PATJ: variants seen among roughly 807,000 people sequenced by gnomAD.
PATJ encodes the protein inaD-like protein.
Under a neutral mutation model 224.9 loss-of-function variants are expected in PATJ, and 190 were observed. The ratio of observed to expected loss-of-function variants is 0.84; its 90% confidence interval spans 0.75 to 0.95. The LOEUF (loss-of-function observed/expected upper bound fraction) is 0.95, where lower values mean the gene tolerates loss of function less well. Among genes scored for constraint, PATJ ranks in the 40% least tolerant of loss-of-function variants. The probability of loss-of-function intolerance (pLI) is 0.00; values close to 1 mark genes in which losing one functional copy is unlikely to be tolerated. For missense variants in PATJ, 2,121 were observed against 2,270.3 expected, an observed-to-expected ratio of 0.93 and a Z score of 1.34; for synonymous variants, 769 against 820.3, an observed-to-expected ratio of 0.94 and a Z score of 1.07.
intron 16 of PATJ, among the ~76,000 whole-genome samples, chr1:61,831,411 A>C (rs1659299556): frequency 6.6e-6 from 1 of 152,174 alleles, no homozygotes; most frequent in African/African-American, 2.4e-5. Context: ...ACAGACTGAG[A>C]GAAAATATTT....
chr1:62,015,797 A>G (rs1646740599), intron 28 of PATJ, among the ~76,000 whole-genome samples: 1 of 152,114 alleles, frequency 6.6e-6, no homozygotes, highest in Non-Finnish European at 1.5e-5. Flanking sequence ...GCTCCCAAGT[A>G]GCTGGGACGA....
intron 17 of PATJ, among the ~76,000 whole-genome samples, chr1:61,841,567 G>A (rs1044176639): frequency 6.7e-6 from 1 of 149,750 alleles, no homozygotes; most frequent in Non-Finnish European, 1.5e-5. Context: ...TTATAACATG[G>A]CCACTGACAT....
chr1:61,814,953 A>G (rs1655805911), intron 14 of PATJ, among the ~76,000 whole-genome samples: 1 of 152,212 alleles, frequency 6.6e-6, no homozygotes, highest in Non-Finnish European at 1.5e-5. Flanking sequence ...CTGTGCTACC[A>G]TCTGTGGGAA....
At position 61,768,284 on chromosome 1, in the gene PATJ, A is replaced by G. The variant is rs1646403195; in HGVS notation, c.385-999A>G. Among the ~76,000 whole-genome samples, 6 of 151,940 alleles carry G rather than the reference A, an allele frequency of 3.9e-5. No individual in the cohort carries two copies. The South Asian group carries it at 1.2e-3, about 32-fold the overall frequency. ...GGAGATCGAGACCATCCTGGCTAACACGGTGAAACCCCGTCTCTACTAAAA... is the reference window on the plus strand; with the variant it reads ...GGAGATCGAGACCATCCTGGCTAACGCGGTGAAACCCCGTCTCTACTAAAA... On this transcript the variant is annotated intron_variant, in intron 4 of 43. Transcript: ENST00000642238.
At chr1:62,110,405 T>C (rs943556959) in intron 34 of PATJ, among the ~76,000 whole-genome samples, 1 of 152,188 alleles carries the variant, frequency 6.6e-6, no homozygotes, top group Non-Finnish European at 1.5e-5. Flanking sequence ...AGCGTAACAC[T>C]ACATCAGCAC....
chr1:61,801,921 GTTTCTTTTTTT>G (rs1184488545), intron 12 of PATJ, 152 bp downstream of exon 12: 11 of 415,454 alleles, frequency 2.6e-5, no homozygotes, highest in African/African-American at 1.1e-4. Flanking sequence ...TTGAGACAGA[GTTTCTTTTTTT>G]TTTCTTTTTT....
intron 8 of PATJ, among the ~76,000 whole-genome samples, chr1:61,790,969 G>T (rs1649732051): frequency 6.6e-6 from 1 of 152,194 alleles, no homozygotes; most frequent in South Asian, 2.1e-4. Flanking sequence ...TTTATTTGTC[G>T]GCTGCCAGCC....
intron 27 of PATJ, among the ~76,000 whole-genome samples, chr1:61,949,085 A>G (rs1571450144): frequency 8.1e-6 from 1 of 124,084 alleles, no homozygotes; most frequent in African/African-American, 3.0e-5. Flanking sequence ...GGGAGCGGGG[A>G]GGGATTGCAT....
At chr1:61,761,720 C>G (rs34245124) in intron 1 of PATJ, among the ~76,000 whole-genome samples, 13,809 of 150,808 alleles carry the variant, frequency 0.092, 660 homozygotes, top group South Asian at 0.11. Flanking sequence ...GGGTCTCACT[C>G]TGTTCCCCAG....
intron 33 of PATJ, among the ~76,000 whole-genome samples, chr1:62,085,539 G>A (rs75575708): frequency 0.024 from 3,669 of 152,090 alleles, 149 homozygotes; most frequent in East Asian, 0.079. Flanking sequence ...TTATTTAATG[G>A]AATTGTAGAT....
chr1:62,069,250 G>T (rs999035968), intron 31 of PATJ, among the ~76,000 whole-genome samples: 2 of 152,162 alleles, frequency 1.3e-5, no homozygotes, highest in African/African-American at 4.8e-5. Context: ...AAGAGCAAGG[G>T]CTCTGCAGCA....
chr1:61,871,483 G>GCATATATA (rs1362256521), intron 20 of PATJ, among the ~76,000 whole-genome samples: 9 of 100,078 alleles, frequency 9.0e-5, no homozygotes, highest in African/African-American at 1.6e-4. Context: ...ACATATATAT[G>GCATATATA]TGTATATATG....
intron 38 of PATJ, among the ~76,000 whole-genome samples, chr1:62,122,517 A>G (rs943297246): frequency 2.6e-5 from 4 of 151,094 alleles, no homozygotes; most frequent in African/African-American, 9.7e-5. Flanking sequence ...AACAGAGAGC[A>G]CTTCTTTAAA....
intron 20 of PATJ, among the ~76,000 whole-genome samples, chr1:61,873,566 G>T (rs1027542463): frequency 2.0e-5 from 3 of 152,122 alleles, no homozygotes; most frequent in Non-Finnish European, 4.4e-5. Flanking sequence ...CCATTAACTG[G>T]GTAGCTTATA....
At chr1:61,765,025 C>T (rs544214372) in intron 3 of PATJ, among the ~76,000 whole-genome samples, 1 of 138,770 alleles carries the variant, frequency 7.2e-6, no homozygotes, top group Admixed American at 7.7e-5. Context: ...TCCCTGTAGC[C>T]AGGGGTTTTT....
chr1:62,064,552 G>A (rs978818838), intron 31 of PATJ, among the ~76,000 whole-genome samples: 2 of 152,054 alleles, frequency 1.3e-5, no homozygotes, highest in African/African-American at 2.4e-5. Context: ...GGCTGGTCTC[G>A]AACTCCTGGG....
At chr1:62,024,827 G>A (rs900021052) in intron 29 of PATJ, among the ~76,000 whole-genome samples, 38 of 152,092 alleles carry the variant, frequency 2.5e-4, no homozygotes, top group African/African-American at 8.4e-4. Context: ...CTTACATTTT[G>A]GCAATATGAT....
intron 27 of PATJ, among the ~76,000 whole-genome samples, chr1:61,947,380 C>CA (rs1376379260): frequency 6.6e-6 from 1 of 152,142 alleles, no homozygotes; most frequent in Non-Finnish European, 1.5e-5. Flanking sequence ...TCTCAGGATA[C>CA]AAAATCACTG....
At chr1:61,803,330 G>A (rs1403925303) in intron 12 of PATJ, among the ~76,000 whole-genome samples, 1 of 151,816 alleles carries the variant, frequency 6.6e-6, no homozygotes, top group Admixed American at 6.6e-5. Context: ...ACTAATCAAA[G>A]TACCTAATTT....
Sources: allele counts gnomAD v4.1 joint callset (sites outside exome capture counted in the v4.1 genomes callset), GRCh38; gene constraint gnomAD v4.1.1; transcripts MANE v1.5; gene names NCBI Gene and HGNC (gene_info 2026-07-23, HGNC 2026-07-21).